CNBD2: variants seen among roughly 807,000 people sequenced by gnomAD.
CNBD2 encodes cyclic nucleotide binding domain containing 2.
In CNBD2, 64 loss-of-function variants were observed where a neutral mutation model predicts 63.7. The observed-to-expected ratio is 1.00, with a 90% CI of 0.82 to 1.24. The LOEUF (loss-of-function observed/expected upper bound fraction) is 1.24. Ranked by LOEUF, CNBD2 falls within the 50% of genes most tolerant of loss-of-function variation. The probability of loss-of-function intolerance (pLI) is 0.00; values close to 1 mark genes in which losing one functional copy is unlikely to be tolerated. For missense variants in CNBD2, 691 were observed against 713.5 expected (o/e 0.97, Z 0.36); for synonymous variants, 229 against 255.4 (o/e 0.90, Z 0.99).
Position 36,008,494 on chromosome 20 carries a change from G to T in CNBD2, c.1148+20G>T. ...GATCCAGTAAGCTCAGCCCTGGGCA[G>T]ATAGACGGGTCCAGATTGTGGTTGC... is the stretch of plus-strand genomic sequence containing the variant. On this transcript the variant is annotated intron_variant, in intron 9 of 11. Transcript: ENST00000373973. 6.3e-7 allele frequency: 1 copy of T among 1,590,734 alleles called. No homozygotes were observed. Among genetic ancestry groups the T allele is most frequent in the African/African-American group, 1.4e-5 (1 of 73,422 alleles).
chr20:35,981,339 G>C (rs2056596877), intron 4 of CNBD2, among the ~76,000 whole-genome samples: 1 of 152,116 alleles, frequency 6.6e-6, no homozygotes, highest in Admixed American at 6.5e-5. Flanking sequence ...CAGTGCCTGT[G>C]CTCCCTCATC....
chr20:35,986,510 G>A (rs1421844129), intron 6 of CNBD2, among the ~76,000 whole-genome samples: 2 of 152,156 alleles, frequency 1.3e-5, no homozygotes, highest in Non-Finnish European at 2.9e-5. Flanking sequence ...GAATGATCAT[G>A]GGAAGTGTAT....
chr20:36,015,859 G>C (rs1020695857), intron 10 of CNBD2, among the ~76,000 whole-genome samples: 3 of 152,208 alleles, frequency 2.0e-5, no homozygotes, highest in African/African-American at 7.2e-5. Flanking sequence ...TAGATACTCT[G>C]TCTTAAAGGA....
chr20:36,030,220 G>T (rs1183118911), intron 11 of CNBD2, 137 bp from the exon 12 acceptor site: 6 of 833,524 alleles, frequency 7.2e-6, no homozygotes, highest in Middle Eastern at 3.5e-4. Flanking sequence ...GAAAGGGAAA[G>T]GGTGCAGAAG....
intron 11 of CNBD2, among the ~76,000 whole-genome samples, chr20:36,025,435 A>C (rs1015845841): frequency 1.3e-5 from 2 of 152,118 alleles, no homozygotes; most frequent in African/African-American, 4.8e-5. Flanking sequence ...TCTGGGCTCA[A>C]GGGATCCTCC....
intron 11 of CNBD2, among the ~76,000 whole-genome samples, chr20:36,025,072 G>T (rs1285205719): frequency 6.6e-6 from 1 of 152,198 alleles, no homozygotes; most frequent in Non-Finnish European, 1.5e-5. Flanking sequence ...TCTCTTGATA[G>T]AACATAATTG....
chr20:35,970,812 C>T (rs1486537599), intron 1 of CNBD2, among the ~76,000 whole-genome samples: 3 of 151,942 alleles, frequency 2.0e-5, no homozygotes, highest in Non-Finnish European at 1.5e-5. Context: ...AACTCCTGGG[C>T]TCAAGCAATC....
At chr20:36,002,882 A>ATATTGGATTGCTTACAATCCAATATAT (rs1218817157) in intron 8 of CNBD2, among the ~76,000 whole-genome samples, 17 of 152,132 alleles carry the variant, frequency 1.1e-4, no homozygotes, top group East Asian at 7.7e-4. Flanking sequence ...AATTACATGT[A>ATATTGGATTGCTTACAATCCAATATAT]TATTGGATTG....
chr20:36,009,947 G>C (rs2057036735), intron 9 of CNBD2, among the ~76,000 whole-genome samples: 1 of 151,550 alleles, frequency 6.6e-6, no homozygotes, highest in Non-Finnish European at 1.5e-5. Flanking sequence ...AGAAAACCAA[G>C]GTACGGGGAG....
chr20:35,955,219 T>G (rs1257265850), exon 1 of CNBD2: 1 of 156,796 alleles, frequency 6.4e-6, no homozygotes, highest in Non-Finnish European at 1.5e-5. Context: ...CCTCGAAATA[T>G]AGCGAATTGA....
intron 6 of CNBD2, 74 bp downstream of exon 6, chr20:35,984,852 C>T: frequency 6.7e-7 from 1 of 1,482,138 alleles, no homozygotes; most frequent in Non-Finnish European, 9.4e-7. Flanking sequence ...TGTCCTAGGC[C>T]TGGTGGGAAA....
At chr20:35,982,365 C>T (rs1042380903) in intron 4 of CNBD2, among the ~76,000 whole-genome samples, 11 of 152,246 alleles carry the variant, frequency 7.2e-5, no homozygotes, top group Admixed American at 1.3e-4. Flanking sequence ...TGGGACCAGT[C>T]GAATTTCTCT....
At chr20:36,021,609 A>G (rs2057208860) in intron 10 of CNBD2, among the ~76,000 whole-genome samples, 2 of 152,032 alleles carry the variant, frequency 1.3e-5, no homozygotes, top group Admixed American at 6.6e-5. Flanking sequence ...CTTGAGCCCT[A>G]TACAGCTGGC....
chr20:35,954,596 C>G, upstream of CNBD2: 1 of 1,403,730 alleles, frequency 7.1e-7, no homozygotes, highest in Non-Finnish European at 9.5e-7. Flanking sequence ...CGGCTGCTGC[C>G]CTCGCGGTGC....
At chr20:35,965,839 C>T (rs2056341486), upstream of CNBD2, among the ~76,000 whole-genome samples, 1 of 152,182 alleles carries the variant, frequency 6.6e-6, no homozygotes, top group East Asian at 1.9e-4. Flanking sequence ...TCCAAACTTC[C>T]TGCTTCTTCT....
At chr20:35,991,475 T>C (rs2050930) in intron 7 of CNBD2, among the ~76,000 whole-genome samples, 28,360 of 152,066 alleles carry the variant, frequency 0.19, 2,868 homozygotes, top group South Asian at 0.41. Flanking sequence ...CAGATATCAA[T>C]TGGCAGTTCC....
At chr20:35,989,118 G>A (rs1298491542) in intron 7 of CNBD2, among the ~76,000 whole-genome samples, 4 of 152,172 alleles carry the variant, frequency 2.6e-5, no homozygotes, top group African/African-American at 9.7e-5. Context: ...ATTTTACAGA[G>A]GAGGAAACTG....
intron 7 of CNBD2, among the ~76,000 whole-genome samples, chr20:35,992,352 A>G (rs1471641687): frequency 2.0e-5 from 3 of 152,212 alleles, no homozygotes; most frequent in Non-Finnish European, 4.4e-5. Context: ...AATTTTGGTA[A>G]GCATCCAGAC....
chr20:36,017,436 T>G lies in CNBD2; in HGVS notation c.1270-6166T>G, dbSNP rs572738040. On this transcript the variant is annotated intron_variant, in intron 10 of 11. Coordinates refer to ENST00000373973, the MANE Select transcript of CNBD2 (RefSeq NM_001365709.1). ...TTCCCTCCACTCACACCAGCCTGTA[T>G]GTCCTCAGGGCTGGGAAGGTCAGTC... Among the ~76,000 whole-genome samples the G allele has an allele frequency of 1.2e-4, 18 of 152,332 alleles. No individual in the cohort carries two copies. In the South Asian group the frequency reaches 3.7e-3, roughly 32 times the overall value.
Sources: allele counts gnomAD v4.1 joint callset (sites outside exome capture counted in the v4.1 genomes callset), GRCh38; gene constraint gnomAD v4.1.1; transcripts MANE v1.5; gene names NCBI Gene and HGNC (gene_info 2026-07-23, HGNC 2026-07-21).